NEBL: variants seen among roughly 807,000 people sequenced by gnomAD.
NEBL encodes LIM and SH3 protein 2.
Under a neutral mutation model 140.2 loss-of-function variants are expected in NEBL, and 122 were observed. The observed-to-expected ratio is 0.87, with a 90% CI of 0.75 to 1.01. The LOEUF is 1.01. NEBL is among the 50% of genes least tolerant of loss of function. The pLI is 0.00. For missense variants in NEBL, 1,365 were observed against 1,231.3 expected (o/e 1.11, Z -1.62); for synonymous variants, 436 against 398.9 (o/e 1.09, Z -1.11).
At chr10:21,054,658 T>C (rs1834930692) in intron 2 of NEBL, among the ~76,000 whole-genome samples, 1 of 152,238 alleles carries the variant, frequency 6.6e-6, no homozygotes, top group African/African-American at 2.4e-5. Flanking sequence ...ATAGCACAAA[T>C]GTATTTTTTC....
chr10:20,803,058 G>A (rs1014889690), intron 26 of NEBL, among the ~76,000 whole-genome samples: 3 of 152,070 alleles, frequency 2.0e-5, no homozygotes, highest in African/African-American at 2.4e-5. Context: ...TCCGGCCACC[G>A]CAGGACACCA....
At chr10:21,017,065 T>C (rs1838584009) in intron 3 of NEBL, among the ~76,000 whole-genome samples, 2 of 152,156 alleles carry the variant, frequency 1.3e-5, no homozygotes, top group African/African-American at 4.8e-5. Context: ...TGGTGAAAAG[T>C]GTGGACATCG....
In NEBL at chr10:21,006,543, C is replaced by G. The variant is rs565793856; in HGVS notation, c.249+13574G>C. On this transcript the variant is annotated intron_variant, in intron 3 of 6. Coordinates refer to the NEBL transcript ENST00000417816. ...TTCCCTGTTCCTTCCCTTGGCCAGC[C>G]CAGCCACTCCTGCTAAAGCTTGAGA... is the stretch of plus-strand genomic sequence containing the variant. Among the ~76,000 whole-genome samples, 11 of 152,276 alleles carry G rather than the reference C, an allele frequency of 7.2e-5. No individual in the cohort carries two copies. In the East Asian group the frequency reaches 2.1e-3, roughly 29 times the overall value.
At chr10:21,095,128 A>G (rs1016105231) in intron 2 of NEBL, among the ~76,000 whole-genome samples, 5 of 152,160 alleles carry the variant, frequency 3.3e-5, no homozygotes, top group African/African-American at 9.7e-5. Context: ...CAGACCAACC[A>G]ACCATATCAG....
intron 2 of NEBL, among the ~76,000 whole-genome samples, chr10:21,044,993 T>C (rs1283799479): frequency 6.6e-6 from 1 of 152,232 alleles, no homozygotes; most frequent in Non-Finnish European, 1.5e-5. Flanking sequence ...AAAAGTATAA[T>C]TGGCTTGAAA....
chr10:21,105,025 T>C (rs116894706), intron 2 of NEBL, among the ~76,000 whole-genome samples: 150 of 152,328 alleles, frequency 9.8e-4, no homozygotes, highest in Non-Finnish European at 1.7e-3. Context: ...AAAACATTGA[T>C]TGATCTTTTT....
chr10:21,075,223 T>A (rs775554758), intron 2 of NEBL, among the ~76,000 whole-genome samples: 23 of 152,156 alleles, frequency 1.5e-4, no homozygotes, highest in Non-Finnish European at 3.1e-4. Flanking sequence ...TGGTAATATT[T>A]TGTGCTACAA....
chr10:20,892,804 T>C (rs1379793120), intron 2 of NEBL, among the ~76,000 whole-genome samples: 1 of 152,342 alleles, frequency 6.6e-6, no homozygotes, highest in East Asian at 1.9e-4. Flanking sequence ...TTTGCGGATC[T>C]TTCCTTTCAC....
intron 8 of NEBL, 81 bp downstream of exon 8, chr10:20,859,632 C>T: frequency 3.5e-6 from 3 of 854,264 alleles, no homozygotes; most frequent in Non-Finnish European, 5.7e-6. Context: ...AGCTAAGTAT[C>T]AGTAATTACA....
chr10:20,935,397 A>G (rs1490350765), intron 4 of NEBL, among the ~76,000 whole-genome samples: 10 of 152,236 alleles, frequency 6.6e-5, no homozygotes, highest in Non-Finnish European at 1.5e-4. Flanking sequence ...GACGATTATC[A>G]GCATCTCTTC....
chr10:21,234,793 G>A (rs1842326638), intron 3 of NEBL, among the ~76,000 whole-genome samples: 2 of 152,106 alleles, frequency 1.3e-5, no homozygotes, highest in East Asian at 1.9e-4. Flanking sequence ...CCAGTTCACC[G>A]TCACTCAGCA....
chr10:20,933,372 C>A (rs1001463984), intron 4 of NEBL, among the ~76,000 whole-genome samples: 1 of 152,152 alleles, frequency 6.6e-6, no homozygotes, highest in Non-Finnish European at 1.5e-5. Context: ...TCAAAACTTA[C>A]CCGTACACTA....
chr10:21,265,214 C>T (rs368212342), intron 1 of NEBL, among the ~76,000 whole-genome samples: 3 of 152,048 alleles, frequency 2.0e-5, no homozygotes, highest in South Asian at 2.1e-4. Context: ...TGAGCCACCG[C>T]ACCTCTTTTA....
chr10:20,903,796 A>G (rs150885264), intron 4 of NEBL, among the ~76,000 whole-genome samples: 22 of 151,854 alleles, frequency 1.4e-4, no homozygotes, highest in Middle Eastern at 6.8e-3. Flanking sequence ...GTTGTCTGTC[A>G]CTCATAAGTG....
intron 3 of NEBL, among the ~76,000 whole-genome samples, chr10:21,217,552 A>T (rs1201075801): frequency 6.6e-6 from 1 of 152,216 alleles, no homozygotes; most frequent in Non-Finnish European, 1.5e-5. Context: ...TGAGAAAAAA[A>T]AGTGTAGGCT....
intron 3 of NEBL, among the ~76,000 whole-genome samples, chr10:20,994,616 C>T (rs186108643): frequency 2.1e-4 from 32 of 152,302 alleles, no homozygotes; most frequent in African/African-American, 7.7e-4. Flanking sequence ...CTGCATATAA[C>T]ATTTGGTCCC....
chr10:21,084,105 G>C (rs1367686029), intron 2 of NEBL, among the ~76,000 whole-genome samples: 1 of 152,188 alleles, frequency 6.6e-6, no homozygotes, highest in East Asian at 1.9e-4. Context: ...CTAATCACCT[G>C]CTGGATAAAC....
At chr10:21,054,413 G>A (rs1217238084) in intron 2 of NEBL, among the ~76,000 whole-genome samples, 3 of 152,110 alleles carry the variant, frequency 2.0e-5, no homozygotes, top group Non-Finnish European at 2.9e-5. Flanking sequence ...CAAGTCAACC[G>A]TTTGCCCCAA....
intron 4 of NEBL, among the ~76,000 whole-genome samples, chr10:20,910,634 TC>T (rs1848289797): frequency 6.6e-6 from 1 of 151,536 alleles, no homozygotes; most frequent in African/African-American, 2.4e-5. Flanking sequence ...ACAGAAGGAG[TC>T]CTAAGACCTA....
Sources: gnomAD v4.1 joint callset for allele counts (sites outside exome capture counted in the v4.1 genomes callset) on GRCh38, gnomAD v4.1.1 for gene constraint, MANE v1.5 for transcripts, NCBI Gene and HGNC (gene_info 2026-07-23, HGNC 2026-07-21) for gene names.